The following ZC3H18 variants were observed in gnomAD, a reference collection of about 807,000 sequenced individuals.
The protein encoded by ZC3H18 is zinc finger CCCH-type containing 18.
In ZC3H18, 8 loss-of-function variants were observed where a neutral mutation model predicts 106.1. The ratio of observed to expected loss-of-function variants is 0.08; its 90% CI spans 0.04 to 0.14. The LOEUF is 0.14. Among genes scored for constraint, ZC3H18 ranks in the 10% least tolerant of loss-of-function variants. The pLI is 1.00. For synonymous variants in ZC3H18, 635 were observed against 522.1 expected (o/e 1.22, Z -2.95); for missense variants, 1,318 against 1,278.4 (o/e 1.03, Z -0.47).
intron 7 of ZC3H18, 115 bp downstream of exon 7, chr16:88,609,166 A>C: frequency 1.3e-6 from 1 of 749,346 alleles, no homozygotes; most frequent in Non-Finnish European, 2.0e-6. Context: ...AGCCAGCACA[A>C]TGTACCAATT....
chr16:88,613,562 C>T (rs970076074), intron 8 of ZC3H18, among the ~76,000 whole-genome samples: 10 of 152,104 alleles, frequency 6.6e-5, no homozygotes, highest in East Asian at 1.9e-4. Context: ...GTCTCCCTGC[C>T]GTTGCGATTT....
chr16:88,577,476 C>T lies in ZC3H18; in HGVS notation c.353C>T (p.Ser118Leu). 3.1e-6 allele frequency: 5 copies of T among 1,612,640 alleles called. No homozygotes were observed. Among genetic ancestry groups the T allele is most frequent in the Non-Finnish European group, 3.4e-6 (4 of 1,179,618 alleles). The change falls in exon 2 of 18, where the codon TCA (serine) becomes TTA (leucine). Residue 118 changes from serine (S) to leucine (L), a missense_variant. Coordinates refer to ENST00000301011, the MANE Select transcript of ZC3H18 (RefSeq NM_144604.4). Reference sequence around the variant, plus strand: ...AGCGACCTTAGGGATGAGGCCTCCTCAGTCACCAGGGAGCTGGATGAGCAT... The same window carrying T: ...AGCGACCTTAGGGATGAGGCCTCCTTAGTCACCAGGGAGCTGGATGAGCAT... Reference protein sequence around the residue: ...RTSDLRDEASSVTRELDEHEL... With the variant: ...RTSDLRDEASLVTRELDEHEL...
chr16:88,609,154 A>G, intron 7 of ZC3H18, 103 bp downstream of exon 7: 1 of 924,946 alleles, frequency 1.1e-6, no homozygotes, highest in South Asian at 1.9e-5. Flanking sequence ...ATGAGCTTAT[A>G]GAGCCAGCAC....
At chr16:88,629,367 T>C (rs981114767) in intron 16 of ZC3H18, among the ~76,000 whole-genome samples, 6 of 152,138 alleles carry the variant, frequency 3.9e-5, no homozygotes, top group Non-Finnish European at 5.9e-5. Context: ...TCCCAGCTAC[T>C]TGGGAGGCTG....
chr16:88,578,272 G>GTGGGCACC (rs1914887286), intron 2 of ZC3H18, among the ~76,000 whole-genome samples: 1 of 152,188 alleles, frequency 6.6e-6, no homozygotes, highest in African/African-American at 2.4e-5. Flanking sequence ...AAAGACTGTG[G>GTGGGCACC]TGGGCACCTC....
chr16:88,618,370 T>C (rs1905752866), intron 8 of ZC3H18, among the ~76,000 whole-genome samples: 1 of 152,256 alleles, frequency 6.6e-6, no homozygotes, highest in East Asian at 1.9e-4. Context: ...GAGCTGCCTC[T>C]GAGCAGGCTC....
chr16:88,629,514 A>C (rs1306008460), intron 16 of ZC3H18, among the ~76,000 whole-genome samples: 3 of 152,214 alleles, frequency 2.0e-5, no homozygotes, highest in African/African-American at 7.2e-5. Flanking sequence ...ATATTTTCCA[A>C]AACAAATGAG....
At chr16:88,630,984 C>T in intron 17 of ZC3H18, 117 bp from the exon 18 acceptor site, 2 of 1,313,162 alleles carry the variant, frequency 1.5e-6, no homozygotes, top group Non-Finnish European at 2.1e-6. Flanking sequence ...CCAGGGAGCC[C>T]CTTGCCTGTC....
intron 8 of ZC3H18, among the ~76,000 whole-genome samples, chr16:88,617,125 T>C (rs1378962382): frequency 1.3e-5 from 2 of 152,284 alleles, no homozygotes; most frequent in South Asian, 4.1e-4. Context: ...CCTCTGTCCA[T>C]GGGGGAGCCA....
Position 88,631,580 on chromosome 16 carries a change from C to T in ZC3H18, c.*281C>T, listed in dbSNP as rs1000192329. On this transcript the variant is annotated 3_prime_UTR_variant, in exon 18 of 18. Coordinates refer to ENST00000301011, the MANE Select transcript of ZC3H18 (RefSeq NM_144604.4). The stretch of plus-strand genomic sequence containing the variant: ...TACAAGCCCCAGCCGCCAGCCCCGC[C>T]TTCTCTTCCTCCTCCTCCGTCTTCT... The T allele has an allele frequency of 1.3e-5, 7 of 527,818 alleles. No homozygotes were observed. Among genetic ancestry groups the T allele is most frequent in the Non-Finnish European group, 2.5e-5 (7 of 275,054 alleles). The allele number at this position is 527,818 out of a possible 1,614,324, so 32.7% of individuals were successfully genotyped here. A position where few individuals can be genotyped will look rare whatever the true frequency, so the allele number is the denominator to read the frequency against.
Position 88,577,285 on chromosome 16 carries a change from A to C in ZC3H18, c.162A>C (p.Ala54=). The C allele has an allele frequency of 6.2e-7, 1 of 1,613,240 alleles. No homozygotes were observed. Among genetic ancestry groups the C allele is most frequent in the Non-Finnish European group, 8.5e-7 (1 of 1,179,656 alleles). The stretch of plus-strand genomic sequence containing the variant: ...CTGATCTGGAGGATGAGGAAAGTGC[A>C]GCCAGGGGGCCGAGCCAGGAGGAGG... ...RASDLEDEES[A]ARGPSQEEED... The change falls in exon 2 of 18, where the codon GCA becomes GCC. Residue 54 remains alanine (A), a synonymous_variant. Coordinates refer to ENST00000301011, the MANE Select transcript of ZC3H18 (RefSeq NM_144604.4).
chr16:88,626,821 T>A (rs1906340970), intron 13 of ZC3H18: 1 of 152,264 alleles, frequency 6.6e-6, no homozygotes, highest in South Asian at 2.1e-4. Flanking sequence ...GTGCCAGTCC[T>A]GTGTGCTTTG....
intron 1 of ZC3H18, among the ~76,000 whole-genome samples, chr16:88,576,903 A>C (rs988288112): frequency 5.3e-5 from 8 of 152,162 alleles, no homozygotes; most frequent in Non-Finnish European, 1.2e-4. Flanking sequence ...AACGGGAGGC[A>C]CTTAACACCC....
At chr16:88,575,970 A>G (rs760882735) in intron 1 of ZC3H18, among the ~76,000 whole-genome samples, 7 of 152,108 alleles carry the variant, frequency 4.6e-5, no homozygotes, top group Non-Finnish European at 8.8e-5. Context: ...GCGCGATCTC[A>G]GCTCACTGCA....
chr16:88,585,377 A>G (rs1386181163), intron 2 of ZC3H18, among the ~76,000 whole-genome samples: 1 of 152,228 alleles, frequency 6.6e-6, no homozygotes, highest in African/African-American at 2.4e-5. Flanking sequence ...CGGACTGTTT[A>G]CTGTGAGCCA....
intron 13 of ZC3H18, chr16:88,626,618 C>T (rs905542049): frequency 2.0e-5 from 3 of 151,840 alleles, no homozygotes; most frequent in Admixed American, 6.6e-5. Context: ...CTCCCAAACT[C>T]GTGGGATTAT....
chr16:88,628,214 G>A, intron 15 of ZC3H18, 95 bp downstream of exon 15: 1 of 1,385,050 alleles, frequency 7.2e-7, no homozygotes, highest in Admixed American at 2.2e-5. Context: ...CGGAGCCTGA[G>A]TGAGGGCGAG....
At position 88,608,957 on chromosome 16, in the gene ZC3H18, A is replaced by C. The variant is rs1905144165; in HGVS notation, c.1112A>C (p.Tyr371Ser). The change falls in exon 7 of 18, where the codon TAT becomes TCT. Residue 371 changes from tyrosine (Y) to serine (S), a missense_variant. Physicochemically the swap from Tyr to Ser is moderately radical, Grantham distance 144. Around this residue, in one of 6 missense-constraint regions of ZC3H18, gnomAD observed 848 missense variants for 821.7 expected, o/e 1.03. Coordinates refer to ENST00000301011, the MANE Select transcript of ZC3H18 (RefSeq NM_144604.4). ...AGACTCGAGCCTTACGCAGACCCTTATTATGACTATGAAATTGAGCGGTTT... is the reference window on the plus strand; with the variant it reads ...AGACTCGAGCCTTACGCAGACCCTTCTTATGACTATGAAATTGAGCGGTTT... ...DTVLEPYADP[Y>S]YDYEIERFWR... The C allele has an allele frequency of 1.2e-6, 2 of 1,613,672 alleles. No homozygotes were observed. The highest frequency in any genetic ancestry group is 2.2e-5 in the South Asian group (2 of 91,068).
chr16:88,578,375 TG>T, intron 2 of ZC3H18, among the ~76,000 whole-genome samples: 1 of 152,266 alleles, frequency 6.6e-6, no homozygotes, highest in East Asian at 1.9e-4. Context: ...ATCCTAGGTA[TG>T]GGTAGGTGGG....
Sources: allele counts gnomAD v4.1 joint callset (sites outside exome capture counted in the v4.1 genomes callset), GRCh38; gene constraint gnomAD v4.1.1; regional missense constraint gnomAD v4.1.1; transcripts MANE v1.5; gene names NCBI Gene and HGNC (gene_info 2026-07-23, HGNC 2026-07-21).